The following CNTN3 variants were observed in gnomAD, a reference collection of about 807,000 sequenced individuals.
CNTN3 encodes contactin 3, also known as contactin-3.
In CNTN3, 60 loss-of-function variants were observed where a neutral mutation model predicts 119.1. The observed-to-expected ratio is 0.50, with a 90% CI of 0.41 to 0.62. The LOEUF is 0.62. CNTN3 is among the 20% of genes least tolerant of loss of function. The probability of loss-of-function intolerance (pLI) is 0.00; values close to 1 mark genes in which losing one functional copy is unlikely to be tolerated. For synonymous variants in CNTN3, 450 were observed against 438.7 expected (o/e 1.03, Z -0.32); for missense variants, 1,101 against 1,242.4 (o/e 0.89, Z 1.71).
intron 1 of CNTN3, among the ~76,000 whole-genome samples, chr3:74,544,772 G>A (rs1261170007): frequency 6.6e-6 from 1 of 151,936 alleles, no homozygotes; most frequent in Admixed American, 6.6e-5. Flanking sequence ...CAATTTTTTT[G>A]TATTTTTAGT....
intron 1 of CNTN3, among the ~76,000 whole-genome samples, chr3:74,564,605 G>A (rs923862255): frequency 6.6e-6 from 1 of 150,802 alleles, no homozygotes; most frequent in African/African-American, 2.4e-5. Flanking sequence ...TACGGGTACT[G>A]GAAATAGAAT....
chr3:74,539,803 T>G lies in CNTN3; in HGVS notation c.-80-18611A>C, dbSNP rs1253834119. On this transcript the variant is annotated intron_variant, in intron 1 of 22. Coordinates refer to ENST00000263665, the MANE Select transcript of CNTN3 (RefSeq NM_020872.3). Reference sequence around the variant, plus strand: ...ATTAGAAATGAGGAGGAAAAAAGAATGTGCAGTTACAATGAAAAGACCCTT... The same window carrying G: ...ATTAGAAATGAGGAGGAAAAAAGAAGGTGCAGTTACAATGAAAAGACCCTT... 4.6e-5 allele frequency among the ~76,000 whole-genome samples: 7 copies of G among 152,228 alleles called. No individual in the cohort carries two copies. The East Asian group carries it at 1.4e-3, about 30-fold the overall frequency.
intron 3 of CNTN3, among the ~76,000 whole-genome samples, chr3:74,496,135 G>T (rs1160320000): frequency 6.6e-6 from 1 of 152,022 alleles, no homozygotes; most frequent in Admixed American, 6.6e-5. Flanking sequence ...GTGATTACTG[G>T]CTACCATATT....
intron 11 of CNTN3, among the ~76,000 whole-genome samples, chr3:74,345,642 G>C (rs969324698): frequency 1.3e-5 from 2 of 152,070 alleles, no homozygotes; most frequent in African/African-American, 4.8e-5. Context: ...TAAGTATGAG[G>C]AGTATAAGTA....
At chr3:74,452,186 T>A (rs1390030863) in intron 4 of CNTN3, among the ~76,000 whole-genome samples, 27 of 142,720 alleles carry the variant, frequency 1.9e-4, no homozygotes, top group Middle Eastern at 3.5e-3. Flanking sequence ...CCTCTTTTAT[T>A]TCATTGAGCA....
rs1702654369 is a variant in CNTN3, at chr3:74,476,324, A to G, written c.358+10132T>C. 2.0e-5 allele frequency among the ~76,000 whole-genome samples: 3 copies of G among 152,174 alleles called. No individual in the cohort carries two copies. The South Asian group carries it at 6.2e-4, about 31-fold the overall frequency. On this transcript the variant is annotated intron_variant, in intron 4 of 22. Coordinates refer to ENST00000263665, the MANE Select transcript of CNTN3 (RefSeq NM_020872.3). Reference sequence around the variant, plus strand: ...GACTTTATAGAACCTAACTACCATGAGTAATGAACATTGACTATTTATGGT... The same window carrying G: ...GACTTTATAGAACCTAACTACCATGGGTAATGAACATTGACTATTTATGGT...
intron 4 of CNTN3, among the ~76,000 whole-genome samples, chr3:74,451,105 G>T (rs1276143796): frequency 2.0e-5 from 3 of 152,032 alleles, no homozygotes; most frequent in African/African-American, 7.2e-5. Flanking sequence ...TTCCACAATG[G>T]TTGAACTAGT....
chr3:74,308,117 G>C (rs535788644), intron 13 of CNTN3, among the ~76,000 whole-genome samples: 1 of 152,258 alleles, frequency 6.6e-6, no homozygotes, highest in Admixed American at 6.5e-5. Context: ...GAAGGAACAG[G>C]TGGTGACACG....
intron 2 of CNTN3, among the ~76,000 whole-genome samples, chr3:74,517,610 A>G (rs1020875237): frequency 6.6e-6 from 1 of 151,748 alleles, no homozygotes; most frequent in African/African-American, 2.4e-5. Context: ...TCCTACTCAC[A>G]AGCCTCAGTG....
intron 4 of CNTN3, among the ~76,000 whole-genome samples, chr3:74,479,840 T>C (rs992905735): frequency 6.6e-6 from 1 of 152,010 alleles, no homozygotes; most frequent in Non-Finnish European, 1.5e-5. Context: ...AAGATAAAAC[T>C]AACAGAATAT....
intron 13 of CNTN3, among the ~76,000 whole-genome samples, chr3:74,306,221 A>AAG (rs1195484023): frequency 2.0e-5 from 3 of 151,250 alleles, no homozygotes; most frequent in African/African-American, 7.3e-5. Flanking sequence ...GTCCAAAAAA[A>AAG]AAAAAAAAAG....
chr3:74,301,836 AG>A (rs760945411), intron 14 of CNTN3, 31 bp from the exon 15 acceptor site: 6 of 1,608,842 alleles, frequency 3.7e-6, no homozygotes, highest in Non-Finnish European at 4.2e-6. Flanking sequence ...AACATTGAGT[AG>A]CAGTTCCATA....
intron 4 of CNTN3, among the ~76,000 whole-genome samples, chr3:74,454,424 T>G (rs1242915008): frequency 6.6e-6 from 1 of 151,322 alleles, no homozygotes; most frequent in Non-Finnish European, 1.5e-5. Context: ...TGAGATGGGT[T>G]TCCTGAATAC....
At chr3:74,599,349 G>A (rs889354514) in intron 1 of CNTN3, among the ~76,000 whole-genome samples, 2 of 152,102 alleles carry the variant, frequency 1.3e-5, no homozygotes, top group African/African-American at 4.8e-5. Context: ...ATCTGTTCAA[G>A]AGAGTGCCAT....
intron 3 of CNTN3, among the ~76,000 whole-genome samples, chr3:74,492,735 A>G (rs1488171781): frequency 6.6e-6 from 1 of 152,100 alleles, no homozygotes; most frequent in Non-Finnish European, 1.5e-5. Context: ...AGAACAAACT[A>G]TGTTTGAGAG....
At chr3:74,511,560 T>C (rs1190432404) in intron 2 of CNTN3, among the ~76,000 whole-genome samples, 1 of 152,044 alleles carries the variant, frequency 6.6e-6, no homozygotes, top group African/African-American at 2.4e-5. Flanking sequence ...TCCCAGCTAC[T>C]TGGGAGGGCT....
chr3:74,327,552 G>C (rs1488644857), intron 13 of CNTN3, among the ~76,000 whole-genome samples: 1 of 152,062 alleles, frequency 6.6e-6, no homozygotes, highest in East Asian at 1.9e-4. Flanking sequence ...TTTGTTCATA[G>C]GACTATGCTA....
At chr3:74,507,626 C>CTTTTTTTT (rs59540461) in intron 2 of CNTN3, among the ~76,000 whole-genome samples, 3 of 103,648 alleles carry the variant, frequency 2.9e-5, no homozygotes, top group Admixed American at 1.1e-4. Flanking sequence ...TTCTTTCTTT[C>CTTTTTTTT]TTTTTTTTTT....
At chr3:74,510,168 C>G (rs534235042) in intron 2 of CNTN3, among the ~76,000 whole-genome samples, 7 of 152,026 alleles carry the variant, frequency 4.6e-5, no homozygotes, top group Non-Finnish European at 1.0e-4. Context: ...TACAGCTGAT[C>G]ACAGAAAGAC....
Sources: allele counts gnomAD v4.1 joint callset (sites outside exome capture counted in the v4.1 genomes callset), GRCh38; gene constraint gnomAD v4.1.1; transcripts MANE v1.5; gene names NCBI Gene and HGNC (gene_info 2026-07-23, HGNC 2026-07-21).